Variants in BRINP3 observed in about 807,000 individuals in gnomAD.
The protein encoded by BRINP3 is BMP/retinoic acid-inducible neural-specific protein 3.
BRINP3 carries 19 observed loss-of-function variants against 71.0 expected under a neutral mutation model. The ratio of observed to expected loss-of-function variants is 0.27; its 90% CI spans 0.19 to 0.39. The LOEUF (loss-of-function observed/expected upper bound fraction) is 0.39. BRINP3 is among the 10% of genes least tolerant of loss of function. BRINP3 has a pLI of 1.00. For missense variants in BRINP3, 959 were observed against 940.8 expected, an observed-to-expected ratio of 1.02 and a Z score of -0.25; for synonymous variants, 380 against 337.7, an observed-to-expected ratio of 1.13 and a Z score of -1.37.
At chr1:190,195,658 G>C (rs1337134581) in intron 6 of BRINP3, among the ~76,000 whole-genome samples, 1 of 151,814 alleles carries the variant, frequency 6.6e-6, no homozygotes, top group Non-Finnish European at 1.5e-5. Context: ...ATTTCGTCCA[G>C]AGCTGTAAGC....
At position 190,105,692 on chromosome 1, in the gene BRINP3, A is replaced by T. The variant is rs544361192; in HGVS notation, c.1185-6558T>A. Among the ~76,000 whole-genome samples, 12 of 152,186 alleles carry T rather than the reference A, an allele frequency of 7.9e-5. No homozygotes were observed. In the South Asian group the frequency reaches 2.5e-3, roughly 32 times the overall value. On this transcript the variant is annotated intron_variant, in intron 7 of 7. Transcript: ENST00000367462. The stretch of plus-strand genomic sequence containing the variant: ...CGTCATGAACTGATGTAATTCAAAT[A>T]ATTTATTATTTAATCTGGTTAAGTG...
intron 6 of BRINP3, among the ~76,000 whole-genome samples, chr1:190,224,449 A>AC (rs1657156313): frequency 6.6e-6 from 1 of 151,732 alleles, no homozygotes; most frequent in African/African-American, 2.4e-5. Flanking sequence ...AAAAATCTAG[A>AC]CCCCTATCTC....
At chr1:190,122,026 G>A (rs1653708078) in intron 7 of BRINP3, among the ~76,000 whole-genome samples, 1 of 152,160 alleles carries the variant, frequency 6.6e-6, no homozygotes, top group Non-Finnish European at 1.5e-5. Flanking sequence ...TATATTACAA[G>A]GGTAGTAGCA....
intron 2 of BRINP3, among the ~76,000 whole-genome samples, chr1:190,382,877 C>T (rs1023060527): frequency 1.3e-5 from 2 of 152,086 alleles, no homozygotes; most frequent in African/African-American, 2.4e-5. Flanking sequence ...CAAACCAATC[C>T]GGGAAGAGCA....
intron 7 of BRINP3, among the ~76,000 whole-genome samples, chr1:190,106,868 T>C (rs1007326509): frequency 5.3e-5 from 8 of 151,980 alleles, no homozygotes; most frequent in Non-Finnish European, 8.8e-5. Context: ...TTGTTGAACA[T>C]TGAAAACCTG....
At chr1:190,117,431 T>C (rs1653238819) in intron 7 of BRINP3, among the ~76,000 whole-genome samples, 1 of 152,034 alleles carries the variant, frequency 6.6e-6, no homozygotes, top group Non-Finnish European at 1.5e-5. Context: ...ATTTCAAACA[T>C]ACACAAACAG....
chr1:190,385,588 C>T (rs967682835), intron 2 of BRINP3, among the ~76,000 whole-genome samples: 5 of 151,922 alleles, frequency 3.3e-5, no homozygotes, highest in Non-Finnish European at 7.4e-5. Flanking sequence ...ACAACAGGTG[C>T]TGGAGAGGAT....
Position 190,323,516 on chromosome 1 carries a change from T to C in BRINP3, c.237-41766A>G, listed in dbSNP as rs932165318. ...TGAAGTGCATTGTACCTGTTTAATT[T>C]TTTCATCTAATGAGAGTTATCCATC... On this transcript the variant is annotated intron_variant, in intron 2 of 7. Transcript: ENST00000367462. 3.3e-5 allele frequency among the ~76,000 whole-genome samples: 5 copies of C among 151,860 alleles called. 1 individual carries two copies. The highest frequency in any genetic ancestry group is 3.3e-4 in the Admixed American group (5 of 15,214).
chr1:190,178,377 T>C (rs908206913), intron 6 of BRINP3, among the ~76,000 whole-genome samples: 1 of 152,172 alleles, frequency 6.6e-6, no homozygotes, highest in African/African-American at 2.4e-5. Flanking sequence ...GTTGTTATTA[T>C]TGTTAGTGTT....
chr1:190,236,790 A>G (rs1658562616), intron 4 of BRINP3, among the ~76,000 whole-genome samples: 1 of 152,040 alleles, frequency 6.6e-6, no homozygotes, highest in Non-Finnish European at 1.5e-5. Context: ...AAAGCATCAA[A>G]GAGAATACTT....
chr1:190,254,382 A>G (rs532654603), intron 4 of BRINP3, among the ~76,000 whole-genome samples: 2 of 151,846 alleles, frequency 1.3e-5, no homozygotes, highest in Non-Finnish European at 2.9e-5. Flanking sequence ...CATTTTCACG[A>G]TATTGATTCT....
At chr1:190,236,853 T>C (rs1184978262) in intron 4 of BRINP3, among the ~76,000 whole-genome samples, 1 of 151,968 alleles carries the variant, frequency 6.6e-6, no homozygotes, top group Admixed American at 6.6e-5. Flanking sequence ...GGTTTCACTA[T>C]TGCCAACCAA....
intron 6 of BRINP3, among the ~76,000 whole-genome samples, chr1:190,163,449 T>C (rs1651196886): frequency 1.3e-5 from 2 of 152,044 alleles, no homozygotes; most frequent in South Asian, 4.1e-4. Flanking sequence ...GTGTTAAGTA[T>C]GTATCAAGTG....
chr1:190,248,079 C>T (rs1224147708), intron 4 of BRINP3, among the ~76,000 whole-genome samples: 1 of 151,800 alleles, frequency 6.6e-6, no homozygotes, highest in Non-Finnish European at 1.5e-5. Context: ...ATTCTGGTTT[C>T]AGAATATCCT....
At chr1:190,125,638 A>T (rs966591208) in intron 7 of BRINP3, among the ~76,000 whole-genome samples, 6 of 152,142 alleles carry the variant, frequency 3.9e-5, no homozygotes, top group Admixed American at 1.3e-4. Flanking sequence ...TAAAATCACA[A>T]TGGGAGGATA....
chr1:190,270,400 G>T (rs1286885110), intron 3 of BRINP3, among the ~76,000 whole-genome samples: 1 of 151,252 alleles, frequency 6.6e-6, no homozygotes, highest in East Asian at 1.9e-4. Context: ...AATAAAAACA[G>T]AATCCAGTGA....
chr1:190,421,384 C>G (rs1362731104), intron 2 of BRINP3, among the ~76,000 whole-genome samples: 1 of 150,116 alleles, frequency 6.7e-6, no homozygotes. Flanking sequence ...TGGGTTTTGG[C>G]AGACTACTTA....
chr1:190,378,161 A>G (rs1303647930), intron 2 of BRINP3, among the ~76,000 whole-genome samples: 2 of 152,188 alleles, frequency 1.3e-5, no homozygotes, highest in Admixed American at 6.5e-5. Flanking sequence ...ACCTCCTTCT[A>G]GACAGTATTT....
intron 2 of BRINP3, among the ~76,000 whole-genome samples, chr1:190,378,412 C>A (rs921747126): frequency 6.6e-6 from 1 of 152,120 alleles, no homozygotes; most frequent in Admixed American, 6.5e-5. Context: ...AGGCAATTCT[C>A]CATGGGGTTA....
Sources: allele counts gnomAD v4.1 joint callset (sites outside exome capture counted in the v4.1 genomes callset), GRCh38; gene constraint gnomAD v4.1.1; transcripts MANE v1.5; gene names NCBI Gene and HGNC (gene_info 2026-07-23, HGNC 2026-07-21).